APOC4: variants seen among roughly 807,000 people sequenced by gnomAD.
APOC4 encodes the protein apolipoprotein C-IV.
Under a neutral mutation model 8.4 loss-of-function variants are expected in APOC4, and 10 were observed. The ratio of observed to expected loss-of-function variants is 1.19; its 90% CI spans 0.74 to 2.03. The LOEUF (loss-of-function observed/expected upper bound fraction) is 2.03, where lower values mean the gene tolerates loss of function less well. Among genes scored for constraint, APOC4 ranks in the 30% most tolerant of loss-of-function variants. The pLI is 0.00. For synonymous variants in APOC4, 59 were observed against 65.8 expected (o/e 0.90, Z 0.50); for missense variants, 160 against 156.1 (o/e 1.02, Z -0.13).
intron 1 of APOC4, among the ~76,000 whole-genome samples, chr19:44,942,603 C>T (rs371691491): frequency 3.3e-5 from 5 of 151,594 alleles, no homozygotes; most frequent in African/African-American, 7.3e-5. Context: ...AGTATGCAGT[C>T]GTGGTAAAAA....
intron 1 of APOC4, among the ~76,000 whole-genome samples, chr19:44,942,752 ATT>A (rs200103557): frequency 4.3e-4 from 58 of 134,238 alleles, no homozygotes; most frequent in Middle Eastern, 3.8e-3. Context: ...TTGCATATGC[ATT>A]TTTTTTTTTT....
intron 1 of APOC4, among the ~76,000 whole-genome samples, chr19:44,943,173 G>A (rs547358144): frequency 1.4e-4 from 22 of 151,860 alleles, no homozygotes; most frequent in South Asian, 8.3e-4. Context: ...CGCCTGCCTC[G>A]GCCTTCCAAA....
chr19:44,942,448 G>A, intron 1 of APOC4, 95 bp downstream of exon 1: 1 of 1,243,548 alleles, frequency 8.0e-7, no homozygotes, highest in South Asian at 1.4e-5. Context: ...TGAGACATGA[G>A]TACGGAGTGT....
intron 1 of APOC4, among the ~76,000 whole-genome samples, chr19:44,944,198 A>G (rs1211676923): frequency 6.6e-6 from 1 of 152,148 alleles, no homozygotes; most frequent in African/African-American, 2.4e-5. Context: ...GAGGGGAACC[A>G]CAGGCAGACA....
rs189633181 is a variant in APOC4, at chr19:44,942,909, C to T, written c.76+556C>T. On this transcript the variant is annotated intron_variant, in intron 1 of 2. Transcript: ENST00000592954. ...CAGAGTATTTGGGACTACAGACACA[C>T]GCCACCATGCCTGGCTAATTTTTTT... Among the ~76,000 whole-genome samples, 36 of 151,860 alleles carry T rather than the reference C, an allele frequency of 2.4e-4. 1 individual carries two copies. The East Asian group carries it at 6.0e-3, about 25-fold the overall frequency.
chr19:44,945,094 C>G (rs749470744), intron 2 of APOC4, 46 bp from the exon 3 acceptor site: 3 of 1,594,560 alleles, frequency 1.9e-6, no homozygotes, highest in East Asian at 4.5e-5. Flanking sequence ...GCAGAGAACA[C>G]CTGGGGAGAG....
intron 1 of APOC4, among the ~76,000 whole-genome samples, chr19:44,942,944 C>A (rs891471206): frequency 6.7e-6 from 1 of 149,270 alleles, no homozygotes; most frequent in African/African-American, 2.5e-5. Flanking sequence ...TTTTTTGAGA[C>A]GGAGTCTCGC....
At position 44,942,355 on chromosome 19, in the gene APOC4, T is replaced by C; in HGVS notation, c.76+2T>C. ...TGCTGGTCCTGGCCTGCATTGGGGG[T>C]GAGAAGAAGTGGGTGGAGGGATGTG... On this transcript the variant is annotated splice_donor_variant, in intron 1 of 2. Coordinates refer to ENST00000592954, the MANE Select transcript of APOC4 (RefSeq NM_001646.3). LOFTEE classifies it high-confidence loss of function. 1.2e-6 allele frequency: 2 copies of C among 1,611,904 alleles called. No individual in the cohort carries two copies. The highest frequency in any genetic ancestry group is 1.7e-6 in the Non-Finnish European group (2 of 1,178,988).
intron 1 of APOC4, among the ~76,000 whole-genome samples, chr19:44,943,842 G>A (rs200988583): frequency 1.2e-4 from 18 of 152,286 alleles, no homozygotes; most frequent in African/African-American, 2.6e-4. Flanking sequence ...TTATTACCCC[G>A]TTCTACAAAA....
At chr19:44,942,489 G>C (rs767365314) in intron 1 of APOC4, 136 bp downstream of exon 1, 5 of 720,484 alleles carry the variant, frequency 6.9e-6, no homozygotes, top group Non-Finnish European at 8.7e-6. Flanking sequence ...ATGCATGTGC[G>C]TGTCGGGGAG....
chr19:44,945,364 A>C lies in APOC4; in HGVS notation c.*59A>C. 1.3e-6 allele frequency: 2 copies of C among 1,547,108 alleles called. No homozygotes were observed. The highest frequency in any genetic ancestry group is 1.7e-6 in the Non-Finnish European group (2 of 1,145,844). ...GTGCCTGTAGTCCCAGCTACTCAGG[A>C]GGCTGAGGTAGGATGATGGCTTGAG... is the stretch of plus-strand genomic sequence containing the variant. On this transcript the variant is annotated 3_prime_UTR_variant, in exon 3 of 3. Coordinates refer to ENST00000592954, the MANE Select transcript of APOC4 (RefSeq NM_001646.3).
At chr19:44,944,669 C>T in intron 1 of APOC4, 80 bp from the exon 2 acceptor site, 3 of 1,495,236 alleles carry the variant, frequency 2.0e-6, no homozygotes, top group Non-Finnish European at 2.7e-6. Flanking sequence ...CCGGGAGCGA[C>T]ACAGGATGAG....
Position 44,944,739 on chromosome 19 carries a change from T to C in APOC4, c.77-10T>C, listed in dbSNP as rs751351526. The C allele has an allele frequency of 6.2e-7, 1 of 1,608,132 alleles. No homozygotes were observed. ...CCAGCCTACCCAAGTTGCCCTCTGG[T>C]TCCACCTAGCATGCCAGCCAGAGGC... On this transcript the variant is annotated splice_polypyrimidine_tract_variant and intron_variant, in intron 1 of 2. Coordinates refer to ENST00000592954, the MANE Select transcript of APOC4 (RefSeq NM_001646.3).
intron 1 of APOC4, 136 bp from the exon 2 acceptor site, chr19:44,944,613 T>C (rs896598405): frequency 9.7e-7 from 1 of 1,033,224 alleles, no homozygotes; most frequent in Non-Finnish European, 1.3e-6. Flanking sequence ...CACATAAGGG[T>C]AAAGGCAGGA....
chr19:44,943,719 T>A (rs564160493), intron 1 of APOC4, among the ~76,000 whole-genome samples: 15 of 150,194 alleles, frequency 1.0e-4, no homozygotes, highest in Admixed American at 1.0e-3. Context: ...AGAGCGAGAC[T>A]CCGTCTGAAA....
chr19:44,942,747 T>C (rs984258786), intron 1 of APOC4, among the ~76,000 whole-genome samples: 1 of 151,500 alleles, frequency 6.6e-6, no homozygotes, highest in African/African-American at 2.4e-5. Context: ...GTGTTTTGCA[T>C]ATGCATTTTT....
In APOC4 at chr19:44,945,193, G is replaced by A. The variant is rs1599988406; in HGVS notation, c.272G>A (p.Arg91Lys). Residue 91 changes from arginine to lysine, a missense_variant, in exon 3 of 3, where the codon AGG becomes AAG. Transcript: ENST00000592954. ...FMQTYYDDHL[R>K]DLGPLTKAWF... ...CAGACCTACTATGACGACCACCTGA[G>A]GGACCTGGGTCCGCTCACCAAGGCC... 6.2e-7 allele frequency: 1 copy of A among 1,614,084 alleles called. No homozygotes were observed. Among genetic ancestry groups the A allele is most frequent in the Non-Finnish European group, 8.5e-7 (1 of 1,180,012 alleles).
Position 44,945,420 on chromosome 19 carries a change from C to A in APOC4, c.*115C>A. 3.0e-6 allele frequency: 3 copies of A among 1,016,726 alleles called. No homozygotes were observed. The highest frequency in any genetic ancestry group is 1.6e-5 in the African/African-American group (1 of 61,414). The allele number at this position is 1,016,726 out of a possible 1,614,324, so 63.0% of individuals were successfully genotyped here. On this transcript the variant is annotated 3_prime_UTR_variant, in exon 3 of 3. Transcript: ENST00000592954. The stretch of plus-strand genomic sequence containing the variant: ...GAGTTCGAGACCAGCCTGGGCAACA[C>A]AGCGAGATCTCTTGGGGGTAAAACA...
chr19:44,944,699 G>A (rs1303001658), intron 1 of APOC4, 50 bp from the exon 2 acceptor site: 3 of 1,563,890 alleles, frequency 1.9e-6, no homozygotes, highest in Non-Finnish European at 2.6e-6. Context: ...AAAGGGAGAA[G>A]GGGATTCTAG....
Sources: allele counts gnomAD v4.1 joint callset (sites outside exome capture counted in the v4.1 genomes callset), GRCh38; gene constraint gnomAD v4.1.1; transcripts MANE v1.5; gene names NCBI Gene and HGNC (gene_info 2026-07-23, HGNC 2026-07-21).